CAPRIN2: variants seen among roughly 807,000 people sequenced by gnomAD.
CAPRIN2 encodes caprin-2.
In CAPRIN2, 66 loss-of-function variants were observed where a neutral mutation model predicts 130.4. The observed-to-expected ratio is 0.51, with a 90% CI of 0.42 to 0.62. CAPRIN2 has a LOEUF of 0.62. Ranked by LOEUF, CAPRIN2 falls within the 20% of genes least tolerant of loss-of-function variation. The pLI, the probability that CAPRIN2 is intolerant of heterozygous loss-of-function variation, is 0.00. For synonymous variants in CAPRIN2, 471 were observed against 444.1 expected, an observed-to-expected ratio of 1.06 and a Z score of -0.76; for missense variants, 1,185 against 1,246.6, an observed-to-expected ratio of 0.95 and a Z score of 0.74.
intron 2 of CAPRIN2, among the ~76,000 whole-genome samples, chr12:30,741,693 G>A (rs1215432661): frequency 6.6e-6 from 1 of 152,088 alleles, no homozygotes; most frequent in Admixed American, 6.6e-5. Flanking sequence ...AATCTATACG[G>A]AAGAGAAAGG....
At chr12:30,737,859 A>G (rs779143507) in intron 3 of CAPRIN2, among the ~76,000 whole-genome samples, 2 of 152,106 alleles carry the variant, frequency 1.3e-5, no homozygotes, top group Non-Finnish European at 2.9e-5. Context: ...GGCCTCCCAA[A>G]GTGCTGGGAT....
At chr12:30,709,771 A>T in exon 17 of CAPRIN2, 3 of 1,037,178 alleles carry the variant, frequency 2.9e-6, no homozygotes, top group Non-Finnish European at 4.1e-6. Context: ...GAAAACAAAA[A>T]AGTAAGGACC....
At chr12:30,713,565 T>C (rs1444585287) in intron 15 of CAPRIN2, among the ~76,000 whole-genome samples, 4 of 152,204 alleles carry the variant, frequency 2.6e-5, no homozygotes, top group African/African-American at 7.2e-5. Flanking sequence ...ATAATGTCCT[T>C]AACACCTTCT....
intron 2 of CAPRIN2, among the ~76,000 whole-genome samples, chr12:30,741,905 A>G (rs4930937): frequency 0.06 from 9,084 of 152,238 alleles, 355 homozygotes; most frequent in Middle Eastern, 0.12. Context: ...ATATCCAGCA[A>G]CTGGTAAGTG....
At chr12:30,714,528 G>A (rs1292238725) in intron 14 of CAPRIN2, among the ~76,000 whole-genome samples, 2 of 152,052 alleles carry the variant, frequency 1.3e-5, no homozygotes, top group Admixed American at 6.6e-5. Context: ...TAGGACACTT[G>A]GAACCATAAC....
exon 1 of CAPRIN2, chr12:30,753,665 G>A (rs1211155180): frequency 9.3e-6 from 15 of 1,614,190 alleles, no homozygotes; most frequent in East Asian, 2.2e-5. Flanking sequence ...GACACAGCCA[G>A]GCAATAACTT....
Position 30,710,393 on chromosome 12 carries a change from C to T in CAPRIN2, c.2743G>A (p.Gly915Arg), listed in dbSNP as rs759274017. ...ACAGGGGTCATGCTACGGGAGTCTC[C>T]TTGTCCAGAGTCACCACTGTTAAAG... Residue 915 changes from glycine (G) to arginine (R), a missense_variant, in exon 17 of 17, where the codon GGA becomes AGA. Gly to Arg is a moderately radical substitution (Grantham distance 125). Coordinates refer to ENST00000298892, the Ensembl canonical transcript of CAPRIN2. This position sits in a 1 kb window ranked among gnomAD's most constrained non-coding sequence, Gnocchi z 4.8. 6.2e-7 allele frequency: 1 copy of T among 1,614,160 alleles called. No homozygotes were observed. Among genetic ancestry groups the T allele is most frequent in the Non-Finnish European group, 8.5e-7 (1 of 1,180,030 alleles).
At chr12:30,723,752 GTTTGT>G (rs1464282202) in intron 10 of CAPRIN2, among the ~76,000 whole-genome samples, 1 of 152,018 alleles carries the variant, frequency 6.6e-6, no homozygotes, top group Admixed American at 6.6e-5. Flanking sequence ...CAATTATATA[GTTTGT>G]TTTGTTTCTT....
chr12:30,732,940 T>A (rs1451410444), intron 5 of CAPRIN2, among the ~76,000 whole-genome samples: 1 of 152,166 alleles, frequency 6.6e-6, no homozygotes, highest in Non-Finnish European at 1.5e-5. Context: ...TCATTTTGCA[T>A]TCTAACCAAG....
intron 11 of CAPRIN2, among the ~76,000 whole-genome samples, chr12:30,721,921 A>C (rs1395066806): frequency 6.6e-6 from 1 of 152,230 alleles, no homozygotes; most frequent in Admixed American, 6.5e-5. Flanking sequence ...TGGCCAAAAT[A>C]TTAGAACCAT....
At chr12:30,746,307 A>C (rs2070321456) in intron 2 of CAPRIN2, among the ~76,000 whole-genome samples, 1 of 152,208 alleles carries the variant, frequency 6.6e-6, no homozygotes, top group African/African-American at 2.4e-5. Flanking sequence ...TAAGAGGATC[A>C]CTTGAGCCCA....
At position 30,738,346 on chromosome 12, in the gene CAPRIN2, T is replaced by A. The variant is rs141468877; in HGVS notation, c.570+2674A>T. Among the ~76,000 whole-genome samples the A allele has an allele frequency of 6.7e-4, 101 of 151,236 alleles. 2 individuals carry two copies. The highest frequency in any genetic ancestry group is 2.3e-3 in the African/African-American group (96 of 41,226). ...AACAGATAAGACACTATATTCACGATATAGAGAAAAAGTACCTAGGGCCAT... is the reference window on the plus strand; with the variant it reads ...AACAGATAAGACACTATATTCACGAAATAGAGAAAAAGTACCTAGGGCCAT... On this transcript the variant is annotated intron_variant, in intron 3 of 16. Coordinates refer to ENST00000298892, the Ensembl canonical transcript of CAPRIN2.
At chr12:30,726,446 TTAC>T (rs1168724558) in intron 8 of CAPRIN2, among the ~76,000 whole-genome samples, 2 of 152,108 alleles carry the variant, frequency 1.3e-5, no homozygotes, top group African/African-American at 2.4e-5. Context: ...AGGGCAAAAA[TTAC>T]TACTACCACA....
rs978820169 is a variant in CAPRIN2 at position 30,729,617 on chromosome 12, A to G, written c.1105-292T>C. Among the ~76,000 whole-genome samples, 8 of 152,202 alleles carry G rather than the reference A, an allele frequency of 5.3e-5. No individual in the cohort carries two copies. In the East Asian group the frequency reaches 7.7e-4, roughly 15 times the overall value. ...AGAATTGCTTGATTCGGATTCTTCT[A>G]CCAAGGCTGTTCCGCCTTTGCCAGC... On this transcript the variant is annotated intron_variant, in intron 7 of 16. Coordinates refer to ENST00000298892, the Ensembl canonical transcript of CAPRIN2.
At chr12:30,726,174 G>GA (rs1293483299) in intron 8 of CAPRIN2, 86 bp from the exon 10 acceptor site, 1 of 1,167,920 alleles carries the variant, frequency 8.6e-7, no homozygotes, top group Non-Finnish European at 1.1e-6. Flanking sequence ...CATCTTAAAG[G>GA]AAAAGAAAAA....
chr12:30,754,440 C>T (rs544316502), exon 1 of CAPRIN2: 1 of 152,906 alleles, frequency 6.5e-6, no homozygotes, highest in East Asian at 1.9e-4. Context: ...AGCGCGCACC[C>T]CCTCAAGTCT....
intron 12 of CAPRIN2, among the ~76,000 whole-genome samples, chr12:30,718,251 A>T (rs1345117124): frequency 2.0e-5 from 3 of 152,224 alleles, no homozygotes; most frequent in African/African-American, 7.2e-5. Flanking sequence ...TGCAGGATGA[A>T]CTGACAGGAA....
Position 30,724,381 on chromosome 12 carries a change from C to G in CAPRIN2, c.1976G>C (p.Gly659Ala), listed in dbSNP as rs1444587965. The G allele has an allele frequency of 6.2e-7, 1 of 1,610,496 alleles. No homozygotes were observed. Among genetic ancestry groups the G allele is most frequent in the Admixed American group, 1.7e-5 (1 of 60,000 alleles). The change falls in exon 10 of 17, where the codon GGT becomes GCT. Residue 659 changes from glycine to alanine, a missense_variant. Around this residue, in one of 2 missense-constraint regions of CAPRIN2, gnomAD observed 1,104 missense variants for 1,104.3 expected, o/e 1.00. Coordinates refer to ENST00000298892, the Ensembl canonical transcript of CAPRIN2. ...GAATGATTACATACCTACGGGGCTACCTGGAGTAGCTGAAGGCGGTTGTGA... is the reference window on the plus strand; with the variant it reads ...GAATGATTACATACCTACGGGGCTAGCTGGAGTAGCTGAAGGCGGTTGTGA...
exon 1 of CAPRIN2, chr12:30,753,432 G>A: frequency 6.2e-7 from 1 of 1,614,098 alleles, no homozygotes; most frequent in Non-Finnish European, 8.5e-7. Flanking sequence ...AGGAGATGCA[G>A]CAGAACTCAG....
Sources: allele counts gnomAD v4.1 joint callset (sites outside exome capture counted in the v4.1 genomes callset), GRCh38; gene constraint gnomAD v4.1.1; regional missense constraint gnomAD v4.1.1; non-coding constraint Gnocchi (gnomAD v3.1); transcripts MANE v1.5; gene names NCBI Gene and HGNC (gene_info 2026-07-23, HGNC 2026-07-21).